UBFD1: variants seen among roughly 807,000 people sequenced by gnomAD.
The protein encoded by UBFD1 is ubiquitin family domain containing 1.
Under a neutral mutation model 35.1 loss-of-function variants are expected in UBFD1, and 12 were observed. The observed-to-expected ratio is 0.34, with a 90% CI of 0.22 to 0.55. The LOEUF (loss-of-function observed/expected upper bound fraction) is 0.55. Ranked by LOEUF, UBFD1 falls within the 20% of genes least tolerant of loss-of-function variation. The probability of loss-of-function intolerance (pLI) is 0.89; values close to 1 mark genes in which losing one functional copy is unlikely to be tolerated. For synonymous variants in UBFD1, 178 were observed against 167.6 expected, an observed-to-expected ratio of 1.06 and a Z score of -0.48; for missense variants, 337 against 410.8, an observed-to-expected ratio of 0.82 and a Z score of 1.55.
At chr16:23,566,915 A>AG (rs1479719640) in intron 5 of UBFD1, 72 bp from the exon 6 acceptor site, 18 of 1,453,402 alleles carry the variant, frequency 1.2e-5, no homozygotes, top group Non-Finnish European at 6.7e-6. Flanking sequence ...AGCCCTGATG[A>AG]GGGACTGCTG....
chr16:23,570,363 G>C (rs1300436421), intron 6 of UBFD1, 117 bp from the exon 7 acceptor site: 2 of 773,090 alleles, frequency 2.6e-6, no homozygotes, highest in Non-Finnish European at 4.3e-6. Context: ...GCAAAGTTTT[G>C]TTTGGTTTTT....
At position 23,574,159 on chromosome 16, in the gene UBFD1, T is replaced by G. The variant is rs1966123343; in HGVS notation, c.*3569T>G. On this transcript the variant is annotated 3_prime_UTR_variant, in exon 7 of 7. Coordinates refer to ENST00000395878, the MANE Select transcript of UBFD1 (RefSeq NM_019116.3). Reference sequence around the variant, plus strand: ...AATTTCTAAGAACCTTTTTTTTTTCTTAAAGAGTTCTGCTGAATTATTTGA... The same window carrying G: ...AATTTCTAAGAACCTTTTTTTTTTCGTAAAGAGTTCTGCTGAATTATTTGA... 6.6e-6 allele frequency: 1 copy of G among 152,656 alleles called. No homozygotes were observed. The highest frequency in any genetic ancestry group is 1.5e-5 in the Non-Finnish European group (1 of 68,044). 9.5% of individuals were successfully genotyped at this position (152,656 alleles called of 1,614,324 possible).
intron 5 of UBFD1, chr16:23,564,629 T>C (rs565916389): frequency 1.8e-4 from 27 of 152,320 alleles, no homozygotes; most frequent in African/African-American, 2.9e-4. Context: ...ACCTCTACTT[T>C]TGCTTGTGGG....
At position 23,558,059 on chromosome 16, in the gene UBFD1, G is replaced by T. The variant is rs760347497; in HGVS notation, c.135G>T (p.Glu45Asp). Reference sequence around the variant, plus strand: ...AAGCCGCGGCGGGGGCGGCGGCCGAGGACTCCGGCGCCGCACGAGGCAGCC... The same window carrying T: ...AAGCCGCGGCGGGGGCGGCGGCCGATGACTCCGGCGCCGCACGAGGCAGCC... ...EAEAAAGAAA[E>D]DSGAARGSLQ... The change falls in exon 2 of 7, where the codon GAG (glutamate) becomes GAT (aspartate). Residue 45 changes from glutamate to aspartate, a missense_variant. Glu to Asp is a conservative substitution (Grantham distance 45, BLOSUM62 2). Transcript: ENST00000395878. The T allele has an allele frequency of 7.8e-5, 106 of 1,356,678 alleles. No individual in the cohort carries two copies. The highest frequency in any genetic ancestry group is 3.5e-4 in the South Asian group (17 of 47,998). 84.0% of individuals were successfully genotyped at this position (1,356,678 alleles called of 1,614,324 possible).
intron 5 of UBFD1, chr16:23,566,117 G>T (rs1168305202): frequency 6.6e-6 from 1 of 152,206 alleles, no homozygotes; most frequent in African/African-American, 2.4e-5. Context: ...TGTTTTAAGA[G>T]AACTTCATAA....
At chr16:23,562,158 A>G in intron 3 of UBFD1, 48 bp from the exon 4 acceptor site, 1 of 1,557,788 alleles carries the variant, frequency 6.4e-7, no homozygotes, top group East Asian at 2.2e-5. Flanking sequence ...TAGTAACACG[A>G]CGAAATGTAG....
Position 23,564,015 on chromosome 16 carries a change from C to G in UBFD1, c.736+1285C>G, listed in dbSNP as rs1289208429. The G allele has an allele frequency of 3.9e-5, 6 of 152,254 alleles. No homozygotes were observed. In the East Asian group the frequency reaches 9.6e-4, roughly 24 times the overall value. The allele number at this position is 152,254 out of a possible 1,614,324, so 9.4% of individuals were successfully genotyped here. A position where few individuals can be genotyped will look rare whatever the true frequency, so the allele number is the denominator to read the frequency against. The stretch of plus-strand genomic sequence containing the variant: ...ATATCCCCAGAGCACTCATTACTCT[C>G]TGACTTGTCTGTCCCCCTGTTAGAT... On this transcript the variant is annotated intron_variant, in intron 5 of 6. Transcript: ENST00000395878.
At chr16:23,569,140 A>G (rs1966051120) in intron 6 of UBFD1, 1 of 152,214 alleles carries the variant, frequency 6.6e-6, no homozygotes. Flanking sequence ...CTTTGTCCTA[A>G]TGAAAGTACT....
chr16:23,559,653 A>G lies in UBFD1; in HGVS notation c.541A>G (p.Lys181Glu). The change falls in exon 3 of 7, where the codon AAG (lysine) becomes GAG (glutamate). Residue 181 changes from lysine (K) to glutamate (E), a missense_variant. Physicochemically the swap from Lys to Glu is moderately conservative, Grantham distance 56. Coordinates refer to ENST00000395878, the MANE Select transcript of UBFD1 (RefSeq NM_019116.3). ...GGATGCAAAGGCCGAAGAGAACAAG[A>G]AGGAGCCTCTCTGCAGGCAGAAAGT... ...QQDAKAEENKKEPLCRQKQHR... is the reference protein window; with the variant it reads ...QQDAKAEENKEEPLCRQKQHR... 1.2e-6 allele frequency: 2 copies of G among 1,614,268 alleles called. No homozygotes were observed. The highest frequency in any genetic ancestry group is 2.2e-5 in the East Asian group (1 of 44,884).
chr16:23,559,425 G>T (rs7199641), intron 2 of UBFD1, 43 bp from the exon 3 acceptor site: 86,815 of 1,564,192 alleles, frequency 0.056, 3,782 homozygotes, highest in African/African-American at 0.21. Context: ...ACATTTTTCT[G>T]TCCTTCCTTC....
At chr16:23,559,906 C>T (rs555036425) in intron 3 of UBFD1, 201 of 1,512,248 alleles carry the variant, frequency 1.3e-4, no homozygotes, top group Non-Finnish European at 1.7e-4. Flanking sequence ...TAGGATAAGA[C>T]CTTGGTAAAG....
intron 5 of UBFD1, chr16:23,565,948 G>A (rs1033466736): frequency 1.1e-4 from 16 of 142,114 alleles, no homozygotes; most frequent in African/African-American, 4.2e-4. Flanking sequence ...ACCTCACCCA[G>A]TCCCGCTTCA....
intron 3 of UBFD1, 176 bp from the exon 4 acceptor site, chr16:23,562,030 C>T (rs962286076): frequency 1.2e-5 from 7 of 586,168 alleles, no homozygotes; most frequent in African/African-American, 7.6e-5. Context: ...TATTCGCCCT[C>T]CCAGAAAGTT....
intron 3 of UBFD1, among the ~76,000 whole-genome samples, chr16:23,560,576 T>A (rs1965917247): frequency 6.6e-6 from 1 of 152,184 alleles, no homozygotes; most frequent in African/African-American, 2.4e-5. Context: ...CCATGTGTGC[T>A]TCCAAAACCC....
rs1297976952 is a variant in UBFD1, at chr16:23,572,410, G to T, written c.*1820G>T. The T allele has an allele frequency of 6.6e-6, 1 of 152,236 alleles. No homozygotes were observed. Among genetic ancestry groups the T allele is most frequent in the Admixed American group, 6.5e-5 (1 of 15,268 alleles). 9.4% of individuals were successfully genotyped at this position (152,236 alleles called of 1,614,324 possible). On this transcript the variant is annotated 3_prime_UTR_variant, in exon 7 of 7. Coordinates refer to ENST00000395878, the MANE Select transcript of UBFD1 (RefSeq NM_019116.3). ...CTGTCTGCAGGTGACAGGTTTTGGG[G>T]GAAATGAGATGCATTAAGTAGAACA...
In UBFD1 at chr16:23,557,760, C is replaced by A; in HGVS notation, c.18C>A (p.Ala6=). MAAAG[A]PDGMEEPGMD... is the part of the protein sequence containing the mutation. ...CAATCATCATGGCGGCGGCCGGGGC[C>A]CCGGATGGTGAGTGCGGCGGGGGTG... Residue 6 remains alanine, a synonymous_variant, in exon 1 of 7, where the codon GCC becomes GCA. Coordinates refer to ENST00000395878, the MANE Select transcript of UBFD1 (RefSeq NM_019116.3). The A allele has an allele frequency of 1.8e-5, 23 of 1,300,742 alleles. No individual in the cohort carries two copies. The highest frequency in any genetic ancestry group is 2.1e-5 in the Non-Finnish European group (22 of 1,024,052). The allele number at this position is 1,300,742 out of a possible 1,614,324, so 80.6% of individuals were successfully genotyped here.
chr16:23,557,979 G>A lies in UBFD1; in HGVS notation c.55G>A (p.Ala19Thr), dbSNP rs749771687. ...GGAGGAACCTGGCATGGACACGGAG[G>A]CCGAGACTGTGGCTACTGAGGCTCC... ...GMEEPGMDTE[A>T]ETVATEAPAR... is the part of the protein sequence containing the mutation. The change falls in exon 2 of 7, where the codon GCC (alanine) becomes ACC (threonine). Residue 19 changes from alanine (A) to threonine (T), a missense_variant. Physicochemically the swap from Ala to Thr is moderately conservative, Grantham distance 58. Around this residue, in one of 4 missense-constraint regions of UBFD1, gnomAD observed 198 missense variants for 168.4 expected, o/e 1.18. Transcript: ENST00000395878. The A allele has an allele frequency of 8.7e-6, 12 of 1,371,852 alleles. No individual in the cohort carries two copies. In the South Asian group the frequency reaches 9.2e-5, roughly 11 times the overall value. The allele number at this position is 1,371,852 out of a possible 1,614,324, so 85.0% of individuals were successfully genotyped here. A position where few individuals can be genotyped will look rare whatever the true frequency, so the allele number is the denominator to read the frequency against.
At chr16:23,560,790 T>G (rs1032155848) in intron 3 of UBFD1, among the ~76,000 whole-genome samples, 5 of 152,218 alleles carry the variant, frequency 3.3e-5, no homozygotes, top group African/African-American at 9.7e-5. Context: ...TAAGGGGTTA[T>G]AAACCTATAT....
At chr16:23,563,743 C>A (rs1965971666) in intron 5 of UBFD1, among the ~76,000 whole-genome samples, 1 of 152,206 alleles carries the variant, frequency 6.6e-6, no homozygotes, top group Non-Finnish European at 1.5e-5. Context: ...AGCTTCTGGC[C>A]CGTTTGCCCT....
Sources: allele counts gnomAD v4.1 joint callset (sites outside exome capture counted in the v4.1 genomes callset), GRCh38; gene constraint gnomAD v4.1.1; regional missense constraint gnomAD v4.1.1; transcripts MANE v1.5; gene names NCBI Gene and HGNC (gene_info 2026-07-23, HGNC 2026-07-21).